CDH11: variants seen among roughly 807,000 people sequenced by gnomAD.
The protein encoded by CDH11 is cadherin 11, also known as cadherin-11.
In CDH11, 11 loss-of-function variants were observed where a neutral mutation model predicts 67.8. The observed-to-expected ratio is 0.16, with a 90% CI of 0.10 to 0.27. The LOEUF (loss-of-function observed/expected upper bound fraction) is 0.27. Among genes scored for constraint, CDH11 ranks in the 10% least tolerant of loss-of-function variants. The probability of loss-of-function intolerance (pLI) is 1.00; values close to 1 mark genes in which losing one functional copy is unlikely to be tolerated. For synonymous variants in CDH11, 419 were observed against 400.0 expected (o/e 1.05, Z -0.57); for missense variants, 847 against 1,031.2 (o/e 0.82, Z 2.45).
At chr16:65,016,566 C>A (rs531235103) in intron 2 of CDH11, among the ~76,000 whole-genome samples, 1 of 152,118 alleles carries the variant, frequency 6.6e-6, no homozygotes, top group African/African-American at 2.4e-5. Flanking sequence ...ACTTGCCTGA[C>A]AGAAATATCT....
Position 65,113,804 on chromosome 16 carries a change from C to T in CDH11, c.-298+8076G>A, listed in dbSNP as rs368679827. Among the ~76,000 whole-genome samples the T allele has an allele frequency of 6.7e-4, 102 of 152,234 alleles. 3 individuals are homozygous for T. In the South Asian group the frequency reaches 0.02, roughly 30 times the overall value. Reference sequence around the variant, plus strand: ...TTACCAGCTGTGGAACACTAGAATGCGTGATTTCCACCGCACCCCTCTGCC... The same window carrying T: ...TTACCAGCTGTGGAACACTAGAATGTGTGATTTCCACCGCACCCCTCTGCC... On this transcript the variant is annotated intron_variant, in intron 1 of 12. Transcript: ENST00000268603.
chr16:64,998,965 G>C, intron 3 of CDH11, 109 bp from the exon 4 acceptor site: 1 of 886,180 alleles, frequency 1.1e-6, no homozygotes, highest in East Asian at 2.6e-5. Flanking sequence ...GTCATGAAAG[G>C]GAGATGTTCT....
chr16:65,062,795 T>C (rs923322929), intron 1 of CDH11, among the ~76,000 whole-genome samples: 1 of 152,172 alleles, frequency 6.6e-6, no homozygotes, highest in African/African-American at 2.4e-5. Context: ...ACTTAGTAAA[T>C]AAAAATCTGA....
intron 11 of CDH11, among the ~76,000 whole-genome samples, chr16:64,962,063 C>T (rs1464738174): frequency 6.6e-6 from 1 of 151,900 alleles, no homozygotes; most frequent in Non-Finnish European, 1.5e-5. Flanking sequence ...TAAATCTATG[C>T]AATTAGATGA....
intron 2 of CDH11, among the ~76,000 whole-genome samples, chr16:65,021,365 C>T (rs1307378011): frequency 6.6e-6 from 1 of 152,156 alleles, no homozygotes; most frequent in Non-Finnish European, 1.5e-5. Context: ...GGGTCTCTGG[C>T]ACTTCCTCTG....
chr16:65,102,551 G>A (rs147410908), intron 1 of CDH11, among the ~76,000 whole-genome samples: 1 of 152,330 alleles, frequency 6.6e-6, no homozygotes, highest in African/African-American at 2.4e-5. Flanking sequence ...AAGGGATATA[G>A]ACAAGCATGA....
At chr16:65,097,201 A>G (rs1343945158) in intron 1 of CDH11, among the ~76,000 whole-genome samples, 2 of 152,236 alleles carry the variant, frequency 1.3e-5, no homozygotes, top group Non-Finnish European at 2.9e-5. Flanking sequence ...TAGAGAAGTG[A>G]CAATAGGCAA....
At chr16:65,027,826 T>G (rs2073564288) in intron 2 of CDH11, among the ~76,000 whole-genome samples, 1 of 152,170 alleles carries the variant, frequency 6.6e-6, no homozygotes, top group Non-Finnish European at 1.5e-5. Context: ...CTAGAGATTT[T>G]TGTATGCCTT....
chr16:65,086,867 T>C (rs1301221435), intron 1 of CDH11, among the ~76,000 whole-genome samples: 2 of 152,136 alleles, frequency 1.3e-5, no homozygotes, highest in Non-Finnish European at 2.9e-5. Flanking sequence ...GGGTATGGTA[T>C]AGAGATTGGA....
At position 64,950,900 on chromosome 16, in the gene CDH11, G is replaced by A; in HGVS notation, c.1761C>T (p.Thr587=). The part of the protein sequence containing the change: ...GGIPPMSSTN[T]LTIKVCGCDV... ...CGCACCCGCAGACTTTGATGGTGAGGGTGTTGGTGCTACTCATGGGCGGGA... is the reference window on the plus strand; with the variant it reads ...CGCACCCGCAGACTTTGATGGTGAGAGTGTTGGTGCTACTCATGGGCGGGA... Residue 587 remains threonine, a synonymous_variant, in exon 12 of 13, where the codon ACC becomes ACT. Transcript: ENST00000268603. 2.5e-6 allele frequency: 4 copies of A among 1,614,238 alleles called. No individual in the cohort carries two copies. Among genetic ancestry groups the A allele is most frequent in the Non-Finnish European group, 3.4e-6 (4 of 1,180,038 alleles).
At chr16:65,054,471 C>A (rs146291454) in intron 1 of CDH11, among the ~76,000 whole-genome samples, 1,863 of 152,238 alleles carry the variant, frequency 0.012, 11 homozygotes, top group Non-Finnish European at 0.017. Flanking sequence ...AGTGTTGCAG[C>A]TCTTCAAGAT....
chr16:65,021,093 A>G (rs2073413701), intron 2 of CDH11, among the ~76,000 whole-genome samples: 1 of 152,142 alleles, frequency 6.6e-6, no homozygotes, highest in South Asian at 2.1e-4. Flanking sequence ...TAGATGACCA[A>G]GAGCATGCTT....
At chr16:65,018,692 C>G (rs2073364093) in intron 2 of CDH11, among the ~76,000 whole-genome samples, 1 of 152,190 alleles carries the variant, frequency 6.6e-6, no homozygotes, top group Non-Finnish European at 1.5e-5. Context: ...TTTATTAGTT[C>G]AGTCTATGCA....
At chr16:65,047,341 T>C (rs2073979107) in intron 2 of CDH11, among the ~76,000 whole-genome samples, 2 of 151,428 alleles carry the variant, frequency 1.3e-5, no homozygotes, top group South Asian at 4.1e-4. Context: ...ACCTTTTAAT[T>C]TTTTTTGTTT....
intron 11 of CDH11, among the ~76,000 whole-genome samples, chr16:64,963,471 G>A (rs180721239): frequency 1.7e-3 from 264 of 152,148 alleles, no homozygotes; most frequent in Admixed American, 2.3e-3. Flanking sequence ...ACTATAAAAG[G>A]TGTAATATAT....
chr16:65,043,214 A>G (rs2073896617), intron 2 of CDH11, among the ~76,000 whole-genome samples: 1 of 152,204 alleles, frequency 6.6e-6, no homozygotes, highest in African/African-American at 2.4e-5. Flanking sequence ...ATTCAGTGAA[A>G]ACAATGGAGG....
In CDH11 at chr16:64,982,048, C is replaced by A; in HGVS notation, c.1253G>T (p.Arg418Met). Residue 418 changes from arginine (R) to methionine (M), a missense_variant and splice_region_variant, in exon 8 of 13, where the codon AGG becomes ATG. Physicochemically the swap from Arg to Met is moderately conservative, Grantham distance 91. Around this residue, in one of 2 missense-constraint regions of CDH11, gnomAD observed 612 missense variants for 678.7 expected, o/e 0.90. Coordinates refer to ENST00000268603, the MANE Select transcript of CDH11 (RefSeq NM_001797.4). ...GCTCTTAAAATAAATCCGTCTGTAC[C>A]TTATCGGGCTGTTGGCAGCATCAGG... Reference protein sequence around the residue: ...KDPDAANSPIRYSIDRHTDLD... With the variant: ...KDPDAANSPIMYSIDRHTDLD... 1 of 1,609,960 alleles carries A rather than the reference C, an allele frequency of 6.2e-7. No individual in the cohort carries two copies. Among genetic ancestry groups the A allele is most frequent in the Non-Finnish European group, 8.5e-7 (1 of 1,177,866 alleles).
At chr16:65,008,704 T>A (rs2073114263) in intron 2 of CDH11, among the ~76,000 whole-genome samples, 1 of 152,190 alleles carries the variant, frequency 6.6e-6, no homozygotes, top group African/African-American at 2.4e-5. Flanking sequence ...TCCATGTTCT[T>A]AACCAGTAAA....
At chr16:65,051,906 G>A (rs1010850112) in intron 2 of CDH11, among the ~76,000 whole-genome samples, 2 of 152,166 alleles carry the variant, frequency 1.3e-5, no homozygotes, top group African/African-American at 4.8e-5. Context: ...CCAGTCTCAG[G>A]AAGTTCTTTA....
Sources: gnomAD v4.1 joint callset for allele counts (sites outside exome capture counted in the v4.1 genomes callset) on GRCh38, gnomAD v4.1.1 for gene constraint, gnomAD v4.1.1 regional missense constraint, MANE v1.5 for transcripts, NCBI Gene and HGNC (gene_info 2026-07-23, HGNC 2026-07-21) for gene names.